The following DNAH8 variants were observed in gnomAD, a reference collection of about 807,000 sequenced individuals.
DNAH8 encodes dynein axonemal heavy chain 8.
In DNAH8, 382 loss-of-function variants were observed where a neutral mutation model predicts 562.1. The ratio of observed to expected loss-of-function variants is 0.68; its 90% CI spans 0.63 to 0.74. DNAH8 has a LOEUF of 0.74. Among genes scored for constraint, DNAH8 ranks in the 30% least tolerant of loss-of-function variants. The pLI is 0.00. For synonymous variants in DNAH8, 1,881 were observed against 1,919.4 expected, an observed-to-expected ratio of 0.98 and a Z score of 0.52; for missense variants, 5,203 against 5,620.4, an observed-to-expected ratio of 0.93 and a Z score of 2.37.
intron 88 of DNAH8, among the ~76,000 whole-genome samples, chr6:38,997,347 C>T (rs1386071060): frequency 2.0e-5 from 3 of 152,160 alleles, no homozygotes; most frequent in African/African-American, 7.2e-5. Context: ...TGAAGCATCC[C>T]AGCTGAAACC....
intron 2 of DNAH8, 27 bp from the exon 3 acceptor site, chr6:38,723,309 AT>A (rs1562547799): frequency 1.8e-5 from 29 of 1,582,960 alleles, no homozygotes; most frequent in Non-Finnish European, 2.4e-5. Context: ...CAGAATTGCA[AT>A]TTTTGAACTT....
rs759643626 is a variant in DNAH8, at chr6:38,770,394, TCTTTTA to T, written c.1618-13_1618-8del. The T allele has an allele frequency of 2.5e-5, 37 of 1,508,994 alleles. No individual in the cohort carries two copies. Among genetic ancestry groups the T allele is most frequent in the Non-Finnish European group, 3.2e-5 (36 of 1,117,248 alleles). 93.5% of individuals were successfully genotyped at this position (1,508,994 alleles called of 1,614,324 possible). A position where few individuals can be genotyped will look rare whatever the true frequency, so the allele number is the denominator to read the frequency against. ...AATGTCTCACTTTCTTTTCCCTATT[TCTTTTA>T]CTTTTCTCATAGGACTGCATTTTTC... On this transcript the variant is annotated splice_polypyrimidine_tract_variant and intron_variant, in intron 11 of 92. Coordinates refer to ENST00000327475, the MANE Select transcript of DNAH8 (RefSeq NM_001206927.2).
At chr6:38,728,027 A>G (rs1237521441) in intron 3 of DNAH8, among the ~76,000 whole-genome samples, 1 of 152,054 alleles carries the variant, frequency 6.6e-6, no homozygotes, top group Non-Finnish European at 1.5e-5. Context: ...GTGCAGTGGT[A>G]TGATTACAGC....
At position 38,737,127 on chromosome 6, in the gene DNAH8, T is replaced by A. The variant is rs1237563023; in HGVS notation, c.823T>A (p.Leu275Met). ...KGLLNGIRDM[L>M]ANIFLPAVLA... ...ACTCTTAAATGGAATTAGGGATATG[T>A]TGGCAAATATATTTCTACCAGCTGT... The change falls in exon 6 of 93, where the codon TTG becomes ATG. Residue 275 changes from leucine (L) to methionine (M), a missense_variant. Transcript: ENST00000327475. 6.3e-7 allele frequency: 1 copy of A among 1,586,968 alleles called. No individual in the cohort carries two copies. Among genetic ancestry groups the A allele is most frequent in the Non-Finnish European group, 8.6e-7 (1 of 1,168,930 alleles).
intron 85 of DNAH8, among the ~76,000 whole-genome samples, chr6:38,976,878 T>C (rs932593372): frequency 1.3e-5 from 2 of 152,146 alleles, no homozygotes; most frequent in Non-Finnish European, 2.9e-5. Flanking sequence ...AAAAAAGAAT[T>C]AGGCACAGGA....
At chr6:38,749,135 A>G (rs1216536336) in intron 8 of DNAH8, among the ~76,000 whole-genome samples, 5 of 152,154 alleles carry the variant, frequency 3.3e-5, no homozygotes, top group African/African-American at 7.2e-5. Flanking sequence ...AAGCTCATCA[A>G]TGATAGACTG....
intron 64 of DNAH8, among the ~76,000 whole-genome samples, chr6:38,908,875 T>G (rs1172992095): frequency 6.6e-6 from 1 of 152,128 alleles, no homozygotes; most frequent in Non-Finnish European, 1.5e-5. Context: ...TGGTGCTTAG[T>G]AGTCATGTGT....
chr6:38,752,618 G>T (rs565889163), intron 9 of DNAH8, among the ~76,000 whole-genome samples: 1 of 111,498 alleles, frequency 9.0e-6, no homozygotes, highest in Non-Finnish European at 2.0e-5. Flanking sequence ...CATCCCAGAG[G>T]CAGGGAGAAG....
At position 38,945,575 on chromosome 6, in the gene DNAH8, A is replaced by G. The variant is rs769003001; in HGVS notation, c.12116A>G (p.Glu4039Gly). 1 of 1,614,110 alleles carries G rather than the reference A, an allele frequency of 6.2e-7. No individual in the cohort carries two copies. The highest frequency in any genetic ancestry group is 1.1e-5 in the South Asian group (1 of 91,076). ...VELSKLPQFA[E>G]IMNQISRNEK... Reference sequence around the variant, plus strand: ...CTGAGTAAACTTCCACAATTTGCAGAAATTATGAACCAGGTAATACAATAA... The same window carrying G: ...CTGAGTAAACTTCCACAATTTGCAGGAATTATGAACCAGGTAATACAATAA... Residue 4039 changes from glutamate to glycine, a missense_variant, in exon 80 of 93, where the codon GAA becomes GGA. Coordinates refer to ENST00000327475, the MANE Select transcript of DNAH8 (RefSeq NM_001206927.2).
At chr6:38,838,608 C>T (rs1377095425) in intron 33 of DNAH8, among the ~76,000 whole-genome samples, 2 of 151,358 alleles carry the variant, frequency 1.3e-5, no homozygotes, top group East Asian at 3.9e-4. Context: ...ACCATGTTAG[C>T]CAGGATGGTC....
At chr6:38,743,007 CTTTTTTTTT>C (rs11340457) in intron 8 of DNAH8, among the ~76,000 whole-genome samples, 2 of 52,004 alleles carry the variant, frequency 3.8e-5, no homozygotes, top group Admixed American at 2.8e-4. Context: ...TGTTGTTGTG[CTTTTTTTTT>C]TTTTTTTTTT....
intron 36 of DNAH8, 41 bp from the exon 37 acceptor site, chr6:38,848,607 A>G (rs1482927437): frequency 2.6e-6 from 4 of 1,527,618 alleles, no homozygotes; most frequent in Non-Finnish European, 1.8e-6. Context: ...TATTTTCTGA[A>G]TCTTCTTTGA....
chr6:38,968,670 A>T (rs1763136925), intron 82 of DNAH8, among the ~76,000 whole-genome samples: 2 of 152,206 alleles, frequency 1.3e-5, no homozygotes, highest in Admixed American at 1.3e-4. Context: ...TAGAACATTC[A>T]TACATTGCCA....
chr6:38,882,937 T>G lies in DNAH8; in HGVS notation c.7886T>G (p.Leu2629Arg), dbSNP rs1778616089. The change falls in exon 54 of 93, where the codon CTT becomes CGT. Residue 2629 changes from leucine (L) to arginine (R), a missense_variant. Around this residue, in one of 6 missense-constraint regions of DNAH8, gnomAD observed 977 missense variants for 1,061.8 expected, o/e 0.92. Coordinates refer to ENST00000327475, the MANE Select transcript of DNAH8 (RefSeq NM_001206927.2). ...YGDWEHWNKKLQPYYYPTDSI... is the reference protein window; with the variant it reads ...YGDWEHWNKKRQPYYYPTDSI... ...GATTGGGAGCACTGGAATAAGAAAC[T>G]TCAGCCTTATTATTATCCAACTGAC... 12 of 1,597,694 alleles carry G rather than the reference T, an allele frequency of 7.5e-6. No homozygotes were observed. The highest frequency in any genetic ancestry group is 1.0e-5 in the Non-Finnish European group (12 of 1,174,298).
intron 88 of DNAH8, among the ~76,000 whole-genome samples, chr6:38,993,134 C>T (rs1363552349): frequency 6.6e-6 from 1 of 152,122 alleles, no homozygotes; most frequent in Non-Finnish European, 1.5e-5. Flanking sequence ...CAGGGTTGTT[C>T]TTTGTCTTCC....
At chr6:38,874,353 C>CCTTTCTTTTCTTTCCTTTT (rs1173106311) in intron 52 of DNAH8, among the ~76,000 whole-genome samples, 11 of 135,144 alleles carry the variant, frequency 8.1e-5, no homozygotes, top group African/African-American at 3.0e-4. Flanking sequence ...CTTTTCTTTT[C>CCTTTCTTTTCTTTCCTTTT]CTTTCTTTTC....
At chr6:38,850,122 T>G (rs1775624338) in intron 37 of DNAH8, 129 bp from the exon 38 acceptor site, 1 of 782,790 alleles carries the variant, frequency 1.3e-6, no homozygotes, top group African/African-American at 1.8e-5. Context: ...AAAAATTGTC[T>G]GTTTAAATTA....
intron 41 of DNAH8, among the ~76,000 whole-genome samples, chr6:38,856,605 T>G (rs1776216906): frequency 6.6e-6 from 1 of 152,164 alleles, no homozygotes; most frequent in African/African-American, 2.4e-5. Context: ...CCAGATCCCA[T>G]TGCTCACTTC....
intron 3 of DNAH8, among the ~76,000 whole-genome samples, chr6:38,729,063 C>T (rs1229717525): frequency 6.6e-6 from 1 of 152,060 alleles, no homozygotes; most frequent in Non-Finnish European, 1.5e-5. Context: ...ATTAGCTGGG[C>T]GTGGTGGCAG....
Sources: gnomAD v4.1 joint callset for allele counts (sites outside exome capture counted in the v4.1 genomes callset) on GRCh38, gnomAD v4.1.1 for gene constraint, gnomAD v4.1.1 regional missense constraint, MANE v1.5 for transcripts, NCBI Gene and HGNC (gene_info 2026-07-23, HGNC 2026-07-21) for gene names.